Variants in TNS1 observed in about 807,000 individuals in gnomAD.
TNS1 encodes tensin-1.
A neutral mutation model predicts 168.6 loss-of-function variants in TNS1; 62 were observed. That is an observed-to-expected ratio of 0.37 (90% CI 0.30 to 0.45). The LOEUF (loss-of-function observed/expected upper bound fraction) is 0.45. Ranked by LOEUF, TNS1 falls within the 20% of genes least tolerant of loss-of-function variation. The pLI, the probability that TNS1 is intolerant of heterozygous loss-of-function variation, is 1.00. For missense variants in TNS1, 2,240 were observed against 2,339.4 expected (o/e 0.96, Z 0.88); for synonymous variants, 934 against 933.2 (o/e 1.00, Z -0.02).
At chr2:218,018,254 G>T (rs1427672) in intron 1 of TNS1, among the ~76,000 whole-genome samples, 111,338 of 152,118 alleles carry the variant, frequency 0.73, 41,228 homozygotes, top group East Asian at 0.88. Flanking sequence ...GGCACCACAC[G>T]GCCAGAGAGG....
intron 3 of TNS1, among the ~76,000 whole-genome samples, chr2:217,928,330 C>A (rs886221531): frequency 6.6e-6 from 1 of 152,246 alleles, no homozygotes. Context: ...GCCACTGCCC[C>A]GGCCCATTTC....
intron 3 of TNS1, among the ~76,000 whole-genome samples, chr2:217,929,958 C>T (rs1021386827): frequency 4.6e-5 from 7 of 152,232 alleles, no homozygotes; most frequent in African/African-American, 1.7e-4. Flanking sequence ...CTAAAATGCA[C>T]ATCCAGCAGT....
At chr2:217,918,164 A>AATGG (rs1326494408) in intron 4 of TNS1, among the ~76,000 whole-genome samples, 3 of 152,180 alleles carry the variant, frequency 2.0e-5, no homozygotes, top group African/African-American at 7.2e-5. Context: ...ACATGAATTA[A>AATGG]ATGGATTAAT....
At chr2:217,829,340 G>A (rs765286385) in intron 22 of TNS1, among the ~76,000 whole-genome samples, 2 of 152,068 alleles carry the variant, frequency 1.3e-5, no homozygotes, top group African/African-American at 2.4e-5. Flanking sequence ...AGCCGAGATC[G>A]TGCCACTGCA....
At position 217,831,411 on chromosome 2, in the gene TNS1, C is replaced by T. The variant is rs1004811221; in HGVS notation, c.3373+44G>A. Reference sequence around the variant, plus strand: ...TTCTGTCCAGAACCACAGGAGTCCTCCTCCCCCTGGCCCCCCTCCCCATCT... The same window carrying T: ...TTCTGTCCAGAACCACAGGAGTCCTTCTCCCCCTGGCCCCCCTCCCCATCT... On this transcript the variant is annotated intron_variant, in intron 22 of 32. Coordinates refer to ENST00000682258, the MANE Select transcript of TNS1 (RefSeq NM_001387777.1). The T allele has an allele frequency of 4.7e-6, 7 of 1,501,896 alleles. No individual in the cohort carries two copies. The African/African-American group carries it at 9.9e-5, about 21-fold the overall frequency. 93.0% of individuals were successfully genotyped at this position (1,501,896 alleles called of 1,614,324 possible). A position where few individuals can be genotyped will look rare whatever the true frequency, so the allele number is the denominator to read the frequency against.
chr2:218,022,951 G>T (rs906814969), intron 1 of TNS1, among the ~76,000 whole-genome samples: 4 of 152,112 alleles, frequency 2.6e-5, no homozygotes, highest in African/African-American at 9.7e-5. Context: ...CTGAGCCAGG[G>T]GGCAACAGGC....
upstream of TNS1, among the ~76,000 whole-genome samples, chr2:218,012,941 A>T (rs1958719020): frequency 6.6e-6 from 1 of 151,822 alleles, no homozygotes; most frequent in Admixed American, 6.6e-5. Flanking sequence ...CCCTCAAAAC[A>T]CTCAAAGCAT....
chr2:217,956,332 G>A (rs1559386805), intron 3 of TNS1, among the ~76,000 whole-genome samples: 1 of 152,140 alleles, frequency 6.6e-6, no homozygotes, highest in Non-Finnish European at 1.5e-5. Context: ...ATGGATCAGG[G>A]TGAAGGGCTG....
At chr2:217,914,611 A>G (rs1954797331) in intron 4 of TNS1, among the ~76,000 whole-genome samples, 1 of 152,180 alleles carries the variant, frequency 6.6e-6, no homozygotes, top group Admixed American at 6.5e-5. Context: ...TCAGCCTCCC[A>G]AGTAGCTAGG....
rs1957618528 is a variant in TNS1 at position 217,966,009 on chromosome 2, T to C, written c.186+12756A>G. Among the ~76,000 whole-genome samples, 4 of 151,900 alleles carry C rather than the reference T, an allele frequency of 2.6e-5. No individual in the cohort carries two copies. In the South Asian group the frequency reaches 8.3e-4, roughly 32 times the overall value. On this transcript the variant is annotated intron_variant, in intron 3 of 32. Coordinates refer to ENST00000682258, the MANE Select transcript of TNS1 (RefSeq NM_001387777.1). The stretch of plus-strand genomic sequence containing the variant: ...CCACCAGGACCCCAGGACTTTCCTC[T>C]CCTCTCTCTCTCTCTCCATTCTCCA...
intron 18 of TNS1, chr2:217,850,330 G>A: frequency 1.0e-6 from 1 of 985,302 alleles, no homozygotes; most frequent in Non-Finnish European, 1.2e-6. Flanking sequence ...GGGGTTCAGG[G>A]ACTAGGGCAG....
chr2:217,987,703 C>T (rs566198219), intron 2 of TNS1, among the ~76,000 whole-genome samples: 1 of 152,328 alleles, frequency 6.6e-6, no homozygotes, highest in South Asian at 2.1e-4. Context: ...ACCTATCACC[C>T]AGAGCCACTC....
chr2:218,028,310 G>A (rs58299755), intron 1 of TNS1, among the ~76,000 whole-genome samples: 13,407 of 152,116 alleles, frequency 0.088, 1,873 homozygotes, highest in African/African-American at 0.3. Context: ...GATGGGCCCA[G>A]GGGAGACCTC....
At chr2:217,908,562 C>T (rs1171292120) in intron 4 of TNS1, among the ~76,000 whole-genome samples, 1 of 152,184 alleles carries the variant, frequency 6.6e-6, no homozygotes, top group Admixed American at 6.5e-5. Flanking sequence ...GGGGAATGGA[C>T]AGAATGATCC....
upstream of TNS1, among the ~76,000 whole-genome samples, chr2:218,014,006 C>T (rs1958734032): frequency 1.3e-5 from 2 of 152,202 alleles, no homozygotes; most frequent in African/African-American, 4.8e-5. Context: ...TTCCCAGAGG[C>T]AGCCAGCACA....
intron 1 of TNS1, among the ~76,000 whole-genome samples, chr2:218,019,200 A>C (rs531192959): frequency 2.7e-4 from 41 of 152,268 alleles, no homozygotes; most frequent in African/African-American, 9.6e-4. Context: ...GAAGGCTGGG[A>C]CCCTATAGAC....
chr2:217,827,403 C>A (rs1178981950), intron 22 of TNS1, among the ~76,000 whole-genome samples: 1 of 152,112 alleles, frequency 6.6e-6, no homozygotes, highest in Non-Finnish European at 1.5e-5. Flanking sequence ...TCAAGCAGAG[C>A]CTCAGAGGGT....
chr2:217,981,943 C>T lies in TNS1; in HGVS notation c.149-3141G>A, dbSNP rs141243732. Among the ~76,000 whole-genome samples the T allele has an allele frequency of 6.0e-4, 91 of 152,354 alleles. No homozygotes were observed. The East Asian group carries it at 0.017, about 28-fold the overall frequency. ...TAGCTGCCAATATTTCTTGCCTCTG[C>T]TACTCATCATGCCCTTCTGGAGTCC... On this transcript the variant is annotated intron_variant, in intron 2 of 32. Transcript: ENST00000682258.
chr2:217,909,490 CA>C (rs1382593084), intron 4 of TNS1, among the ~76,000 whole-genome samples: 1 of 152,062 alleles, frequency 6.6e-6, no homozygotes, highest in Non-Finnish European at 1.5e-5. Context: ...CGACCCTCAG[CA>C]GAGCATGAGC....
Sources: gnomAD v4.1 joint callset for allele counts (sites outside exome capture counted in the v4.1 genomes callset) on GRCh38, gnomAD v4.1.1 for gene constraint, MANE v1.5 for transcripts, NCBI Gene and HGNC (gene_info 2026-07-23, HGNC 2026-07-21) for gene names.